PPARGC1A: variants seen among roughly 807,000 people sequenced by gnomAD.
PPARGC1A encodes the protein peroxisome proliferator-activated receptor gamma coactivator 1-alpha.
PPARGC1A carries 25 observed loss-of-function variants against 88.7 expected under a neutral mutation model. The observed-to-expected ratio is 0.28, with a 90% CI of 0.21 to 0.39. The LOEUF is 0.39. Among genes scored for constraint, PPARGC1A ranks in the 10% least tolerant of loss-of-function variants. The pLI, the probability that PPARGC1A is intolerant of heterozygous loss-of-function variation, is 1.00. For missense variants in PPARGC1A, 880 were observed against 968.7 expected (o/e 0.91, Z 1.22); for synonymous variants, 363 against 355.6 (o/e 1.02, Z -0.24).
At chr4:23,895,976 GTGTGTATA>G (rs771186977) in intron 1 of PPARGC1A, among the ~76,000 whole-genome samples, 4,468 of 37,548 alleles carry the variant, frequency 0.12, 84 homozygotes, top group African/African-American at 0.15. Flanking sequence ...GTGTGTGTGT[GTGTGTATA>G]TATATATACA....
chr4:24,364,995 A>G, the PPARGC1A span, among the ~76,000 whole-genome samples: 1 of 152,154 alleles, frequency 6.6e-6, no homozygotes, highest in South Asian at 2.1e-4. Flanking sequence ...AAGGAGACTA[A>G]GGCACAGAGA....
chr4:23,872,364 AT>A (rs1713573869), intron 2 of PPARGC1A, among the ~76,000 whole-genome samples: 1 of 152,116 alleles, frequency 6.6e-6, no homozygotes, highest in Non-Finnish European at 1.5e-5. Flanking sequence ...GCAAACTGTT[AT>A]TTTAATATAC....
the PPARGC1A span, among the ~76,000 whole-genome samples, chr4:23,928,063 C>T: frequency 5.4e-4 from 82 of 152,144 alleles, no homozygotes; most frequent in African/African-American, 1.9e-3. Flanking sequence ...ATTTTTACAA[C>T]TGGTACTGCC....
At chr4:24,201,903 T>C in the PPARGC1A span, among the ~76,000 whole-genome samples, 1 of 151,736 alleles carries the variant, frequency 6.6e-6, no homozygotes, top group Admixed American at 6.6e-5. Context: ...TTTGGTTATA[T>C]CATTTTTTTT....
the PPARGC1A span, among the ~76,000 whole-genome samples, chr4:23,910,222 A>ATATATTATATATAATATATATAAAT: frequency 4.6e-5 from 4 of 87,858 alleles, no homozygotes; most frequent in Non-Finnish European, 9.3e-5. Context: ...TATAATATAT[A>ATATATTATATATAATATATATAAAT]ATATATTATA....
chr4:24,185,418 A>T, the PPARGC1A span, among the ~76,000 whole-genome samples: 1 of 152,210 alleles, frequency 6.6e-6, no homozygotes, highest in African/African-American at 2.4e-5. Context: ...AGAAAAAGAT[A>T]AGATGAGCAG....
chr4:23,919,079 C>A, the PPARGC1A span, among the ~76,000 whole-genome samples: 1 of 152,068 alleles, frequency 6.6e-6, no homozygotes, highest in East Asian at 1.9e-4. Flanking sequence ...CAAGCCTCAC[C>A]CTTCTCTAAT....
chr4:24,011,702 G>A, the PPARGC1A span, among the ~76,000 whole-genome samples: 4 of 152,174 alleles, frequency 2.6e-5, no homozygotes, highest in Non-Finnish European at 4.4e-5. Context: ...GAACCCGCAG[G>A]AAAATGGTGG....
chr4:24,175,352 G>C, the PPARGC1A span, among the ~76,000 whole-genome samples: 2 of 118,566 alleles, frequency 1.7e-5, no homozygotes, highest in South Asian at 2.9e-4. Flanking sequence ...GCGGGTTTTT[G>C]TTTTTTTTTT....
the PPARGC1A span, among the ~76,000 whole-genome samples, chr4:24,243,195 A>G: frequency 1.3e-5 from 2 of 152,190 alleles, no homozygotes; most frequent in African/African-American, 2.4e-5. Context: ...TCAACATATC[A>G]TCATGACCAT....
At chr4:24,220,445 C>T in the PPARGC1A span, among the ~76,000 whole-genome samples, 1 of 152,152 alleles carries the variant, frequency 6.6e-6, no homozygotes, top group African/African-American at 2.4e-5. Flanking sequence ...CAGCACTATT[C>T]ACAATAGCAA....
At chr4:23,942,839 G>C in the PPARGC1A span, among the ~76,000 whole-genome samples, 27 of 152,248 alleles carry the variant, frequency 1.8e-4, no homozygotes, top group South Asian at 5.2e-3. Flanking sequence ...CTCCATCTAT[G>C]TTGGTCTCTA....
the PPARGC1A span, among the ~76,000 whole-genome samples, chr4:24,166,268 G>C: frequency 2.6e-5 from 4 of 152,208 alleles, no homozygotes; most frequent in East Asian, 7.7e-4. Context: ...AAGCTGGCAG[G>C]GGTTAGTTCA....
chr4:24,281,702 A>G, the PPARGC1A span, among the ~76,000 whole-genome samples: 9 of 152,130 alleles, frequency 5.9e-5, no homozygotes, highest in Non-Finnish European at 1.2e-4. Flanking sequence ...GTCTTCCCCT[A>G]ATAAACCAGA....
At chr4:24,339,574 T>C in the PPARGC1A span, among the ~76,000 whole-genome samples, 3 of 152,136 alleles carry the variant, frequency 2.0e-5, no homozygotes, top group Non-Finnish European at 2.9e-5. Context: ...CGTTCCACCA[T>C]GTGGATCCAT....
the PPARGC1A span, among the ~76,000 whole-genome samples, chr4:24,378,162 C>T: frequency 1.3e-5 from 2 of 152,120 alleles, no homozygotes; most frequent in South Asian, 4.2e-4. Flanking sequence ...CATGGTAAAA[C>T]CCCATTTCTA....
chr4:23,944,124 G>T, the PPARGC1A span, among the ~76,000 whole-genome samples: 1 of 152,132 alleles, frequency 6.6e-6, no homozygotes, highest in East Asian at 1.9e-4. Flanking sequence ...TATCAATATT[G>T]GTTCATTAGT....
intron 2 of PPARGC1A, among the ~76,000 whole-genome samples, chr4:23,855,420 A>G (rs1301086895): frequency 6.6e-6 from 1 of 152,214 alleles, no homozygotes; most frequent in East Asian, 1.9e-4. Context: ...ATTGGCATTC[A>G]GAAAGCATTT....
chr4:23,840,802 G>T (rs1726933960), intron 2 of PPARGC1A, among the ~76,000 whole-genome samples: 1 of 152,080 alleles, frequency 6.6e-6, no homozygotes, highest in African/African-American at 2.4e-5. Context: ...TGTTGTTGTT[G>T]TTGTTATTTT....
Sources: gnomAD v4.1 joint callset for allele counts (sites outside exome capture counted in the v4.1 genomes callset) on GRCh38, gnomAD v4.1.1 for gene constraint, MANE v1.5 for transcripts, NCBI Gene and HGNC (gene_info 2026-07-23, HGNC 2026-07-21) for gene names.